Variants in CACNA1D observed in about 807,000 individuals in gnomAD.
The protein encoded by CACNA1D is calcium voltage-gated channel subunit alpha1 D, also known as voltage-dependent L-type calcium channel subunit alpha-1D.
A neutral mutation model predicts 257.1 loss-of-function variants in CACNA1D; 55 were observed. The observed-to-expected ratio is 0.21, with a 90% CI of 0.17 to 0.27. CACNA1D has a LOEUF of 0.27. Ranked by LOEUF, CACNA1D falls within the 10% of genes least tolerant of loss-of-function variation. CACNA1D has a pLI of 1.00. For missense variants in CACNA1D, 1,876 were observed against 2,784.0 expected (o/e 0.67, Z 7.34); for synonymous variants, 980 against 1,014.9 (o/e 0.97, Z 0.65).
intron 3 of CACNA1D, among the ~76,000 whole-genome samples, chr3:53,568,054 C>T (rs752845929): frequency 1.6e-4 from 25 of 152,070 alleles, no homozygotes; most frequent in East Asian, 5.8e-4. Flanking sequence ...CTAATGGAGA[C>T]GGACACATCA....
At chr3:53,702,119 C>T (rs1434822560) in intron 8 of CACNA1D, among the ~76,000 whole-genome samples, 1 of 152,140 alleles carries the variant, frequency 6.6e-6, no homozygotes, top group African/African-American at 2.4e-5. Flanking sequence ...AGTGTGGGCA[C>T]CAGCAAGGAC....
intron 4 of CACNA1D, among the ~76,000 whole-genome samples, chr3:53,656,972 A>G (rs544578989): frequency 1.4e-4 from 22 of 152,230 alleles, no homozygotes; most frequent in Non-Finnish European, 3.2e-4. Flanking sequence ...GGAAAATGGT[A>G]TAATCACTTT....
chr3:53,677,129 G>A (rs758604219), intron 8 of CACNA1D, among the ~76,000 whole-genome samples: 53 of 152,300 alleles, frequency 3.5e-4, no homozygotes, highest in Admixed American at 1.2e-3. Flanking sequence ...TTCCCAGGGG[G>A]ACCATGGGGG....
intron 29 of CACNA1D, among the ~76,000 whole-genome samples, chr3:53,755,170 T>C (rs1313972716): frequency 6.6e-6 from 1 of 152,232 alleles, no homozygotes; most frequent in African/African-American, 2.4e-5. Flanking sequence ...AGTAAGAACA[T>C]CGAAGGTACT....
At chr3:53,622,917 T>C (rs2093713494) in intron 3 of CACNA1D, among the ~76,000 whole-genome samples, 1 of 150,324 alleles carries the variant, frequency 6.7e-6, no homozygotes, top group East Asian at 2.0e-4. Flanking sequence ...TGAGACGGAG[T>C]CTTGCTCTGT....
chr3:53,629,200 C>T (rs2093794754), intron 3 of CACNA1D, among the ~76,000 whole-genome samples: 2 of 152,228 alleles, frequency 1.3e-5, no homozygotes, highest in South Asian at 4.1e-4. Flanking sequence ...CATAATTTGC[C>T]AACCCCTGGT....
intron 8 of CACNA1D, among the ~76,000 whole-genome samples, chr3:53,700,401 T>C (rs1217030830): frequency 6.6e-6 from 1 of 152,144 alleles, no homozygotes; most frequent in East Asian, 1.9e-4. Flanking sequence ...ATTATATAAT[T>C]CATTTTCCTG....
At position 53,800,528 on chromosome 3, in the gene CACNA1D, C is replaced by G; in HGVS notation, c.5040+163C>G. On this transcript the variant is annotated intron_variant, in intron 41 of 47. Coordinates refer to ENST00000350061, the MANE Select transcript of CACNA1D (RefSeq NM_001128840.3). The surrounding 1 kb of genome is among the most constrained non-coding windows in gnomAD (Gnocchi z 4.3). ...ACCCTCCCCCTCTTACAGACCCTCC[C>G]CAGGCATCAGCACCTCTTCTAGGGC... The G allele has an allele frequency of 1.4e-6, 1 of 716,456 alleles. No individual in the cohort carries two copies. The highest frequency in any genetic ancestry group is 1.4e-5 in the South Asian group (1 of 69,006). 44.4% of individuals were successfully genotyped at this position (716,456 alleles called of 1,614,324 possible). A position where few individuals can be genotyped will look rare whatever the true frequency, so the allele number is the denominator to read the frequency against.
intron 3 of CACNA1D, among the ~76,000 whole-genome samples, chr3:53,604,822 T>G (rs532333856): frequency 4.7e-4 from 72 of 152,254 alleles, no homozygotes; most frequent in African/African-American, 1.5e-3. Flanking sequence ...CTAGAAACAT[T>G]AGCACCTTCA....
intron 40 of CACNA1D, among the ~76,000 whole-genome samples, chr3:53,796,589 T>C (rs1025130706): frequency 2.6e-5 from 4 of 152,244 alleles, no homozygotes; most frequent in African/African-American, 9.6e-5. Flanking sequence ...TGGGTGTTCA[T>C]ATTTGATGTC....
intron 32 of CACNA1D, among the ~76,000 whole-genome samples, chr3:53,772,302 T>C (rs1241791354): frequency 1.3e-5 from 2 of 152,180 alleles, no homozygotes; most frequent in Non-Finnish European, 2.9e-5. Context: ...CAGAAAGTGG[T>C]TCTTCCCCTC....
intron 3 of CACNA1D, among the ~76,000 whole-genome samples, chr3:53,591,744 A>G (rs775050459): frequency 6.6e-6 from 1 of 152,252 alleles, no homozygotes; most frequent in Non-Finnish European, 1.5e-5. Flanking sequence ...AACTACACAA[A>G]GCGTAGAAGA....
chr3:53,616,709 G>A (rs2093641218), intron 3 of CACNA1D, among the ~76,000 whole-genome samples: 2 of 152,328 alleles, frequency 1.3e-5, no homozygotes, highest in East Asian at 3.9e-4. Context: ...AATCAGCCAT[G>A]CGAATAATCA....
At chr3:53,586,207 GC>G (rs2093213172) in intron 3 of CACNA1D, among the ~76,000 whole-genome samples, 1 of 152,066 alleles carries the variant, frequency 6.6e-6, no homozygotes, top group South Asian at 2.1e-4. Context: ...CATGGCAAGG[GC>G]ACTAGCTGAA....
chr3:53,746,108 C>T (rs1227221186), intron 25 of CACNA1D, among the ~76,000 whole-genome samples: 2 of 152,102 alleles, frequency 1.3e-5, no homozygotes, highest in Non-Finnish European at 2.9e-5. Flanking sequence ...GTTGTGCAAC[C>T]AACATCTCTA....
chr3:53,554,610 C>T (rs2092604343), intron 3 of CACNA1D, among the ~76,000 whole-genome samples: 1 of 152,214 alleles, frequency 6.6e-6, no homozygotes, highest in Admixed American at 6.5e-5. Flanking sequence ...TTCCGCTTCT[C>T]TCTTTAGTTA....
intron 40 of CACNA1D, chr3:53,790,926 AGAG>A: frequency 1.4e-6 from 1 of 696,738 alleles, no homozygotes; most frequent in South Asian, 1.5e-5. Context: ...TTTTAATCTA[AGAG>A]GAGAACAGAT....
At chr3:53,674,192 A>G in intron 8 of CACNA1D, 1 of 372,706 alleles carries the variant, frequency 2.7e-6, no homozygotes, top group Non-Finnish European at 5.1e-6. Context: ...TTTTGTGTCT[A>G]TTAGTACATA....
chr3:53,702,345 G>C (rs1002970670), intron 8 of CACNA1D, among the ~76,000 whole-genome samples: 9 of 152,228 alleles, frequency 5.9e-5, no homozygotes, highest in African/African-American at 1.9e-4. Flanking sequence ...TGCCATGACA[G>C]CACATGGTGT....
Sources: gnomAD v4.1 joint callset for allele counts (sites outside exome capture counted in the v4.1 genomes callset) on GRCh38, gnomAD v4.1.1 for gene constraint, Gnocchi (gnomAD v3.1) non-coding constraint, MANE v1.5 for transcripts, NCBI Gene and HGNC (gene_info 2026-07-23, HGNC 2026-07-21) for gene names.